The following CADPS variants were observed in gnomAD, a reference collection of about 807,000 sequenced individuals.
CADPS encodes the protein calcium dependent secretion activator.
A neutral mutation model predicts 167.3 loss-of-function variants in CADPS; 57 were observed. The observed-to-expected ratio is 0.34, with a 90% CI of 0.28 to 0.42. The LOEUF is 0.42. Ranked by LOEUF, CADPS falls within the 20% of genes least tolerant of loss-of-function variation. The pLI is 1.00. For missense variants in CADPS, 1,414 were observed against 1,738.1 expected (o/e 0.81, Z 3.32); for synonymous variants, 676 against 635.3 (o/e 1.06, Z -0.96).
chr3:62,486,439 C>T (rs1163587066), intron 21 of CADPS, among the ~76,000 whole-genome samples: 20 of 123,126 alleles, frequency 1.6e-4, no homozygotes, highest in African/African-American at 2.1e-4. Context: ...AGCAAGACTC[C>T]GTCTCAAAAA....
At chr3:62,619,848 C>G (rs929898129) in intron 6 of CADPS, among the ~76,000 whole-genome samples, 19 of 152,024 alleles carry the variant, frequency 1.2e-4, no homozygotes, top group African/African-American at 4.3e-4. Context: ...CTTTCCTTTC[C>G]CCTAGTGACT....
In CADPS at chr3:62,438,285, C is replaced by A; in HGVS notation, c.3670-74G>T. 9.4e-7 allele frequency: 1 copy of A among 1,066,628 alleles called. No individual in the cohort carries two copies. Among genetic ancestry groups the A allele is most frequent in the South Asian group, 1.4e-5 (1 of 73,906 alleles). The allele number at this position is 1,066,628 out of a possible 1,614,324, so 66.1% of individuals were successfully genotyped here. A position where few individuals can be genotyped will look rare whatever the true frequency, so the allele number is the denominator to read the frequency against. ...TTCCTTGTTTACCATTCACTTGTAC[C>A]CTCTACTTGCCCTCACACACCCTGA... On this transcript the variant is annotated intron_variant, in intron 27 of 29. Transcript: ENST00000383710. This position sits in a 1 kb window ranked among gnomAD's most constrained non-coding sequence, Gnocchi z 4.7.
intron 3 of CADPS, among the ~76,000 whole-genome samples, chr3:62,717,337 T>C (rs1372011786): frequency 6.6e-6 from 1 of 152,210 alleles, no homozygotes; most frequent in Admixed American, 6.5e-5. Context: ...GTGTTTAGCA[T>C]TTATTACACA....
rs562713348 is a variant in CADPS, at chr3:62,855,284, A to C, written c.441+19305T>G. On this transcript the variant is annotated intron_variant, in intron 1 of 29. Transcript: ENST00000383710. ...TAGAATGAGCTCTATTCAAAACAAA[A>C]TATATATCTCAGCATGGAAGTTGGA... Among the ~76,000 whole-genome samples, 12 of 151,884 alleles carry C rather than the reference A, an allele frequency of 7.9e-5. No individual in the cohort carries two copies. The East Asian group carries it at 1.9e-3, about 25-fold the overall frequency.
intron 21 of CADPS, among the ~76,000 whole-genome samples, chr3:62,485,868 C>A: frequency 6.6e-6 from 1 of 152,232 alleles, no homozygotes; most frequent in African/African-American, 2.4e-5. Flanking sequence ...CCTTGTTTGA[C>A]AAGGTAGGAT....
At chr3:62,763,941 G>T (rs2086193755) in intron 2 of CADPS, among the ~76,000 whole-genome samples, 1 of 152,144 alleles carries the variant, frequency 6.6e-6, no homozygotes, top group Non-Finnish European at 1.5e-5. Flanking sequence ...AAAACATTGG[G>T]ATCACTGTAG....
At chr3:62,623,222 T>C (rs1252744452) in intron 6 of CADPS, among the ~76,000 whole-genome samples, 1 of 152,098 alleles carries the variant, frequency 6.6e-6, no homozygotes, top group Non-Finnish European at 1.5e-5. Context: ...CCCCTGTGGC[T>C]CTCCCCAGAG....
At chr3:62,750,104 C>A (rs2082356168) in intron 3 of CADPS, among the ~76,000 whole-genome samples, 2 of 152,118 alleles carry the variant, frequency 1.3e-5, no homozygotes, top group East Asian at 3.9e-4. Context: ...ATAATCCCAG[C>A]ACTTTGGGAG....
rs763923009 is a variant in CADPS, at chr3:62,874,940, G to T, written c.90C>A (p.Gly30=). 1.3e-6 allele frequency: 2 copies of T among 1,526,144 alleles called. No homozygotes were observed. The highest frequency in any genetic ancestry group is 2.0e-5 in the Admixed American group (1 of 50,346). 94.5% of individuals were successfully genotyped at this position (1,526,144 alleles called of 1,614,324 possible). The part of the protein sequence containing the change: ...GKEVLGSAPS[G]ARLSPSRTSE... ...TGGTACGGCTGGGAGACAGGCGCGC[G>T]CCGGACGGGGCCGAGCCGAGCACCT... is the stretch of plus-strand genomic sequence containing the variant. The change falls in exon 1 of 30, where the codon GGC becomes GGA. Residue 30 remains glycine (G), a synonymous_variant. Coordinates refer to ENST00000383710, the MANE Select transcript of CADPS (RefSeq NM_003716.4). This position sits in a 1 kb window ranked among gnomAD's most constrained non-coding sequence, Gnocchi z 7.1.
At chr3:62,854,135 C>T (rs2079176302) in intron 1 of CADPS, among the ~76,000 whole-genome samples, 1 of 152,120 alleles carries the variant, frequency 6.6e-6, no homozygotes, top group South Asian at 2.1e-4. Flanking sequence ...GAAATGTCAC[C>T]TCAGAAGGTT....
At chr3:62,413,474 A>G (rs1416776239) in intron 28 of CADPS, among the ~76,000 whole-genome samples, 1 of 152,232 alleles carries the variant, frequency 6.6e-6, no homozygotes, top group Non-Finnish European at 1.5e-5. Flanking sequence ...CACATGCTAC[A>G]ATATAGATAA....
chr3:62,602,014 A>G lies in CADPS; in HGVS notation c.1326-9266T>C, dbSNP rs72874407. Among the ~76,000 whole-genome samples, 8,396 of 152,144 alleles carry G rather than the reference A, an allele frequency of 0.055. 756 individuals are homozygous for G. The highest frequency in any genetic ancestry group is 0.19 in the African/African-American group (7,940 of 41,460). ...CTCTTATTTGCGGAAGCCTCCTCAGACCATATGTTATCAACAAATGTTGCT... is the reference window on the plus strand; with the variant it reads ...CTCTTATTTGCGGAAGCCTCCTCAGGCCATATGTTATCAACAAATGTTGCT... On this transcript the variant is annotated intron_variant, in intron 6 of 29. Transcript: ENST00000383710. The surrounding 1 kb of genome is among the most constrained non-coding windows in gnomAD (Gnocchi z 4.4).
chr3:62,815,164 T>C (rs2094555841), intron 1 of CADPS, among the ~76,000 whole-genome samples: 2 of 152,206 alleles, frequency 1.3e-5, no homozygotes, highest in Non-Finnish European at 2.9e-5. Context: ...TCAAGATTAA[T>C]CATGGCAATA....
intron 6 of CADPS, among the ~76,000 whole-genome samples, chr3:62,614,874 C>T (rs964904621): frequency 6.6e-6 from 1 of 152,154 alleles, no homozygotes; most frequent in African/African-American, 2.4e-5. Flanking sequence ...CCTTCTCAGC[C>T]TCTCTTTTCT....
At chr3:62,838,856 T>G (rs1322323111) in intron 1 of CADPS, among the ~76,000 whole-genome samples, 1 of 152,188 alleles carries the variant, frequency 6.6e-6, no homozygotes, top group Non-Finnish European at 1.5e-5. Context: ...TTGAGGAATC[T>G]GAGCATCAGA....
chr3:62,874,938 G>C lies in CADPS; in HGVS notation c.92C>G (p.Ala31Gly). Residue 31 changes from alanine (A) to glycine (G), a missense_variant, in exon 1 of 30, where the codon GCG becomes GGG. By Grantham distance (60) the Ala-to-Gly change is moderately conservative. Coordinates refer to ENST00000383710, the MANE Select transcript of CADPS (RefSeq NM_003716.4). This position sits in a 1 kb window ranked among gnomAD's most constrained non-coding sequence, Gnocchi z 7.1. Reference sequence around the variant, plus strand: ...GCTGGTACGGCTGGGAGACAGGCGCGCGCCGGACGGGGCCGAGCCGAGCAC... The same window carrying C: ...GCTGGTACGGCTGGGAGACAGGCGCCCGCCGGACGGGGCCGAGCCGAGCAC... ...KEVLGSAPSG[A>G]RLSPSRTSEG... The C allele has an allele frequency of 1.3e-6, 2 of 1,522,896 alleles. No homozygotes were observed. The highest frequency in any genetic ancestry group is 1.4e-5 in the African/African-American group (1 of 69,400). The allele number at this position is 1,522,896 out of a possible 1,614,324, so 94.3% of individuals were successfully genotyped here.
intron 1 of CADPS, among the ~76,000 whole-genome samples, chr3:62,789,215 A>T (rs571544993): frequency 6.6e-6 from 1 of 152,182 alleles, no homozygotes; most frequent in African/African-American, 2.4e-5. Flanking sequence ...AGAGCTTTAT[A>T]TGTACTATCC....
chr3:62,441,725 G>C (rs2056343370), intron 27 of CADPS, among the ~76,000 whole-genome samples: 1 of 152,206 alleles, frequency 6.6e-6, no homozygotes, highest in South Asian at 2.1e-4. Flanking sequence ...TTATCTGATG[G>C]TTCTTAAGCC....
At chr3:62,595,993 G>A (rs976271781) in intron 6 of CADPS, among the ~76,000 whole-genome samples, 24 of 151,768 alleles carry the variant, frequency 1.6e-4, no homozygotes, top group Admixed American at 1.4e-3. Flanking sequence ...ACTCAGACTG[G>A]CTCTTCTTGC....
Sources: allele counts gnomAD v4.1 joint callset (sites outside exome capture counted in the v4.1 genomes callset), GRCh38; gene constraint gnomAD v4.1.1; non-coding constraint Gnocchi (gnomAD v3.1); transcripts MANE v1.5; gene names NCBI Gene and HGNC (gene_info 2026-07-23, HGNC 2026-07-21).